The following CAST variants were observed in gnomAD, a reference collection of about 807,000 sequenced individuals.
CAST encodes the protein calpastatin.
In CAST, 76 loss-of-function variants were observed where a neutral mutation model predicts 119.6. That is an observed-to-expected ratio of 0.64 (90% confidence interval 0.53 to 0.77). CAST has a LOEUF of 0.77. Among genes scored for constraint, CAST ranks in the 30% least tolerant of loss-of-function variants. The pLI is 0.00. For missense variants in CAST, 953 were observed against 946.5 expected (o/e 1.01, Z -0.09); for synonymous variants, 319 against 331.6 (o/e 0.96, Z 0.41).
chr5:96,397,935 TTAA>T, the CAST span, among the ~76,000 whole-genome samples: 4 of 151,766 alleles, frequency 2.6e-5, no homozygotes, highest in South Asian at 4.1e-4. Flanking sequence ...TATGCAATCA[TTAA>T]TAATCATAAT....
chr5:96,662,825 G>A (rs1748743452), intron 1 of CAST, among the ~76,000 whole-genome samples: 1 of 152,236 alleles, frequency 6.6e-6, no homozygotes, highest in South Asian at 2.1e-4. Context: ...CCCCGAGTGA[G>A]TGGGGTGGTT....
At chr5:96,491,799 C>A in the CAST span, among the ~76,000 whole-genome samples, 1 of 152,132 alleles carries the variant, frequency 6.6e-6, no homozygotes, top group Non-Finnish European at 1.5e-5. Context: ...TGTGCTGTAT[C>A]CCTACAATGG....
the CAST span, among the ~76,000 whole-genome samples, chr5:96,228,494 G>C: frequency 4.0e-5 from 6 of 151,538 alleles, no homozygotes; most frequent in African/African-American, 9.7e-5. Context: ...ATGAATAAAT[G>C]GGTTATTGTC....
intron 1 of CAST, among the ~76,000 whole-genome samples, chr5:96,539,423 G>A (rs1424323161): frequency 6.6e-6 from 1 of 152,024 alleles, no homozygotes; most frequent in Non-Finnish European, 1.5e-5. Flanking sequence ...TGTTTTTTGT[G>A]AAATTTACTT....
upstream of CAST, among the ~76,000 whole-genome samples, chr5:96,523,019 C>T (rs1244274960): frequency 6.6e-6 from 1 of 152,238 alleles, no homozygotes; most frequent in Non-Finnish European, 1.5e-5. Flanking sequence ...GGCCCCTCCT[C>T]ACCTCCGCAG....
the CAST span, among the ~76,000 whole-genome samples, chr5:96,423,005 A>G: frequency 1.3e-5 from 2 of 152,158 alleles, no homozygotes; most frequent in Non-Finnish European, 2.9e-5. Flanking sequence ...TGATTACTTT[A>G]ATGCCCCAAA....
the CAST span, among the ~76,000 whole-genome samples, chr5:96,212,013 C>G: frequency 2.0e-5 from 3 of 151,732 alleles, no homozygotes; most frequent in East Asian, 5.8e-4. Context: ...TGTGGATTTT[C>G]TTTTTTTTCC....
chr5:96,531,337 C>A (rs1378689881), intron 1 of CAST, among the ~76,000 whole-genome samples: 1 of 152,114 alleles, frequency 6.6e-6, no homozygotes, highest in Non-Finnish European at 1.5e-5. Flanking sequence ...AGAAGCAAGA[C>A]TTGGGCTGGA....
At chr5:96,635,381 A>C (rs190574880) in intron 1 of CAST, among the ~76,000 whole-genome samples, 40 of 152,338 alleles carry the variant, frequency 2.6e-4, no homozygotes, top group African/African-American at 9.1e-4. Context: ...ACATTGAAGG[A>C]AAGTCTAGAT....
chr5:96,575,406 A>G (rs1433432025), intron 1 of CAST, among the ~76,000 whole-genome samples: 1 of 152,052 alleles, frequency 6.6e-6, no homozygotes, highest in East Asian at 1.9e-4. Flanking sequence ...TTCTCAACTT[A>G]TTGCAATGAC....
At chr5:96,627,399 A>G (rs1561434568) in intron 1 of CAST, among the ~76,000 whole-genome samples, 1 of 152,210 alleles carries the variant, frequency 6.6e-6, no homozygotes, top group Non-Finnish European at 1.5e-5. Context: ...TTTATGTAAA[A>G]TGACCCCCTT....
At chr5:96,559,272 G>A (rs1480656527) in intron 1 of CAST, among the ~76,000 whole-genome samples, 1 of 152,122 alleles carries the variant, frequency 6.6e-6, no homozygotes, top group Non-Finnish European at 1.5e-5. Context: ...GCAAAAACTG[G>A]AAGCATTCCC....
At chr5:96,522,863 A>G (rs1267638062), upstream of CAST, among the ~76,000 whole-genome samples, 5 of 152,220 alleles carry the variant, frequency 3.3e-5, no homozygotes, top group African/African-American at 4.8e-5. Context: ...GAGCCTCCCG[A>G]CATGGAAGTC....
upstream of CAST, among the ~76,000 whole-genome samples, chr5:96,522,828 A>C (rs1745539142): frequency 1.3e-5 from 2 of 152,174 alleles, no homozygotes; most frequent in Non-Finnish European, 2.9e-5. Flanking sequence ...GAGTGATCCC[A>C]GCGGATATTT....
At chr5:96,296,018 A>G in the CAST span, among the ~76,000 whole-genome samples, 2 of 152,220 alleles carry the variant, frequency 1.3e-5, no homozygotes, top group Non-Finnish European at 2.9e-5. Flanking sequence ...ATGTTCTACC[A>G]TGAACAGTTG....
chr5:96,410,862 T>C, the CAST span: 1 of 1,614,116 alleles, frequency 6.2e-7, no homozygotes, highest in Non-Finnish European at 8.5e-7. Flanking sequence ...TAGGCCTTGC[T>C]GGGAGGCACT....
At chr5:96,294,632 T>C in the CAST span, among the ~76,000 whole-genome samples, 1 of 152,258 alleles carries the variant, frequency 6.6e-6, no homozygotes, top group Admixed American at 6.5e-5. Context: ...ATATTTGATC[T>C]TTCAATATTT....
intron 1 of CAST, among the ~76,000 whole-genome samples, chr5:96,634,655 C>T (rs1747863281): frequency 6.6e-6 from 1 of 152,204 alleles, no homozygotes; most frequent in South Asian, 2.1e-4. Context: ...GATAGTGTTG[C>T]CTCTGCAATG....
chr5:96,277,757 T>TCC, the CAST span, among the ~76,000 whole-genome samples: 2 of 152,082 alleles, frequency 1.3e-5, no homozygotes, highest in Non-Finnish European at 2.9e-5. Flanking sequence ...TAAGGTTTTT[T>TCC]TTTTTCCCAC....
Sources: allele counts gnomAD v4.1 joint callset (sites outside exome capture counted in the v4.1 genomes callset), GRCh38; gene constraint gnomAD v4.1.1; transcripts MANE v1.5; gene names NCBI Gene and HGNC (gene_info 2026-07-23, HGNC 2026-07-21).